The following CTNNA2 variants were observed in gnomAD, a reference collection of about 807,000 sequenced individuals.
The protein encoded by CTNNA2 is catenin alpha-2.
CTNNA2 carries 42 observed loss-of-function variants against 101.0 expected under a neutral mutation model. The observed-to-expected ratio is 0.42, with a 90% CI of 0.32 to 0.54. CTNNA2 has a LOEUF of 0.54. Ranked by LOEUF, CTNNA2 falls within the 20% of genes least tolerant of loss-of-function variation. The pLI, the probability that CTNNA2 is intolerant of heterozygous loss-of-function variation, is 0.14. For missense variants in CTNNA2, 871 were observed against 1,223.1 expected, an observed-to-expected ratio of 0.71 and a Z score of 4.29; for synonymous variants, 450 against 456.4, an observed-to-expected ratio of 0.99 and a Z score of 0.18.
chr2:80,640,770 T>C (rs1202146213), intron 18 of CTNNA2, among the ~76,000 whole-genome samples: 1 of 151,694 alleles, frequency 6.6e-6, no homozygotes, highest in East Asian at 1.9e-4. Flanking sequence ...TGTAGCAAAA[T>C]TTTTTTTTCC....
chr2:79,288,431 G>T (rs143843147), intron 2 of CTNNA2, among the ~76,000 whole-genome samples: 3 of 152,172 alleles, frequency 2.0e-5, no homozygotes, highest in African/African-American at 4.8e-5. Context: ...GGTAATCTTC[G>T]CTTGGAGTCT....
At chr2:80,156,529 G>A (rs1424120556) in intron 7 of CTNNA2, among the ~76,000 whole-genome samples, 2 of 152,194 alleles carry the variant, frequency 1.3e-5, no homozygotes, top group Admixed American at 6.5e-5. Context: ...TAGCAATCTA[G>A]GCTTAGGAGA....
chr2:79,548,216 C>G (rs2104030271), intron 1 of CTNNA2: 1 of 152,316 alleles, frequency 6.6e-6, no homozygotes, highest in Non-Finnish European at 1.5e-5. Context: ...TTGAATCATA[C>G]TTAACGGAAA....
intron 1 of CTNNA2, among the ~76,000 whole-genome samples, chr2:79,557,736 T>G (rs917035604): frequency 6.6e-6 from 1 of 151,978 alleles, no homozygotes; most frequent in African/African-American, 2.4e-5. Flanking sequence ...TGTAATTCAT[T>G]TGTTTTCACC....
intron 3 of CTNNA2, among the ~76,000 whole-genome samples, chr2:79,331,570 C>T (rs753724401): frequency 6.6e-5 from 10 of 152,166 alleles, no homozygotes; most frequent in East Asian, 3.9e-4. Flanking sequence ...TTCTCTTACA[C>T]GGACCCAGAT....
At chr2:80,632,277 AAC>A (rs141371762) in intron 18 of CTNNA2, among the ~76,000 whole-genome samples, 35 of 147,238 alleles carry the variant, frequency 2.4e-4, no homozygotes, top group Middle Eastern at 3.5e-3. Flanking sequence ...CCCCCACCCC[AAC>A]ACACACACAC....
intron 7 of CTNNA2, among the ~76,000 whole-genome samples, chr2:79,935,017 T>G (rs1271679593): frequency 6.6e-6 from 1 of 152,138 alleles, no homozygotes; most frequent in East Asian, 1.9e-4. Flanking sequence ...AGTTGGTATA[T>G]TTTTTTGATG....
intron 7 of CTNNA2, among the ~76,000 whole-genome samples, chr2:80,234,314 C>G (rs895119879): frequency 1.3e-4 from 20 of 152,124 alleles, no homozygotes; most frequent in Non-Finnish European, 4.4e-5. Flanking sequence ...TTACAGGTCT[C>G]ACTATACTTT....
intron 3 of CTNNA2, among the ~76,000 whole-genome samples, chr2:79,822,091 G>A (rs1678057067): frequency 6.6e-6 from 1 of 151,962 alleles, no homozygotes; most frequent in Non-Finnish European, 1.5e-5. Flanking sequence ...CAAATTATCT[G>A]CCTAGCCTTC....
intron 7 of CTNNA2, among the ~76,000 whole-genome samples, chr2:79,966,228 A>G (rs1306790040): frequency 2.6e-5 from 4 of 151,938 alleles, no homozygotes; most frequent in African/African-American, 4.8e-5. Flanking sequence ...TTATATATAT[A>G]TATGTGTGAC....
chr2:79,991,097 A>G (rs983677853), intron 7 of CTNNA2, among the ~76,000 whole-genome samples: 1 of 152,080 alleles, frequency 6.6e-6, no homozygotes, highest in Admixed American at 6.6e-5. Context: ...GGTAGTTTGT[A>G]TTTTTGTGGG....
At chr2:80,234,025 A>G (rs1242046895) in intron 7 of CTNNA2, among the ~76,000 whole-genome samples, 1 of 148,212 alleles carries the variant, frequency 6.7e-6, no homozygotes, top group Non-Finnish European at 1.5e-5. Context: ...TCATGCCCAA[A>G]TAAAGGATAC....
intron 2 of CTNNA2, among the ~76,000 whole-genome samples, chr2:79,680,301 T>C (rs549653414): frequency 6.6e-6 from 1 of 152,214 alleles, no homozygotes; most frequent in South Asian, 2.1e-4. Context: ...GGTAGGTTAC[T>C]TGAATGTTAT....
intron 3 of CTNNA2, among the ~76,000 whole-genome samples, chr2:79,806,607 A>G (rs1014144867): frequency 6.6e-6 from 1 of 151,558 alleles, no homozygotes; most frequent in African/African-American, 2.4e-5. Context: ...TGTGCACACT[A>G]CCTCCTCCCA....
chr2:80,258,818 T>C (rs1480322757), intron 7 of CTNNA2, among the ~76,000 whole-genome samples: 4 of 151,944 alleles, frequency 2.6e-5, no homozygotes, highest in Admixed American at 6.6e-5. Context: ...GGGACACATA[T>C]TGAGTTTGGC....
At chr2:80,046,675 C>T (rs1278254605) in intron 7 of CTNNA2, among the ~76,000 whole-genome samples, 1 of 152,158 alleles carries the variant, frequency 6.6e-6, no homozygotes, top group Non-Finnish European at 1.5e-5. Flanking sequence ...CCTCAGCAAC[C>T]AAGGACTAGG....
At chr2:80,008,534 T>C (rs1693542155) in intron 7 of CTNNA2, among the ~76,000 whole-genome samples, 1 of 152,100 alleles carries the variant, frequency 6.6e-6, no homozygotes, top group African/African-American at 2.4e-5. Context: ...TCTCCGTGAG[T>C]ATTCATGCAT....
At chr2:80,034,713 T>A (rs2104222369) in intron 7 of CTNNA2, among the ~76,000 whole-genome samples, 1 of 152,284 alleles carries the variant, frequency 6.6e-6, no homozygotes, top group African/African-American at 2.4e-5. Context: ...ACTGTTAGTT[T>A]GGTTTTTCTT....
At chr2:80,640,008 A>AG (rs1673292035) in intron 18 of CTNNA2, among the ~76,000 whole-genome samples, 1 of 152,114 alleles carries the variant, frequency 6.6e-6, no homozygotes, top group Admixed American at 6.5e-5. Flanking sequence ...AGGCTGAGGT[A>AG]GGAGAATCGC....
Sources: gnomAD v4.1 joint callset for allele counts (sites outside exome capture counted in the v4.1 genomes callset) on GRCh38, gnomAD v4.1.1 for gene constraint, MANE v1.5 for transcripts, NCBI Gene and HGNC (gene_info 2026-07-23, HGNC 2026-07-21) for gene names.